The following FAM184A variants were observed in gnomAD, a reference collection of about 807,000 sequenced individuals.
FAM184A encodes family with sequence similarity 184 member A, also known as protein FAM184A.
FAM184A carries 99 observed loss-of-function variants against 143.8 expected under a neutral mutation model. That is an observed-to-expected ratio of 0.69 (90% CI 0.58 to 0.81). FAM184A has a LOEUF of 0.81. FAM184A is among the 40% of genes least tolerant of loss of function. The probability of loss-of-function intolerance (pLI) is 0.00; values close to 1 mark genes in which losing one functional copy is unlikely to be tolerated. For synonymous variants in FAM184A, 427 were observed against 446.4 expected (o/e 0.96, Z 0.55); for missense variants, 1,217 against 1,310.5 (o/e 0.93, Z 1.10).
chr6:119,059,729 G>T (rs1055327038), intron 1 of FAM184A, among the ~76,000 whole-genome samples: 2 of 152,092 alleles, frequency 1.3e-5, no homozygotes, highest in Non-Finnish European at 2.9e-5. Flanking sequence ...ATTCTGTCAG[G>T]TATAATAATT....
intron 9 of FAM184A, among the ~76,000 whole-genome samples, chr6:118,982,042 C>A (rs1784039291): frequency 6.6e-6 from 1 of 152,142 alleles, no homozygotes; most frequent in African/African-American, 2.4e-5. Flanking sequence ...TGAAATAAAT[C>A]CTGCAAATGT....
intron 1 of FAM184A, among the ~76,000 whole-genome samples, chr6:119,134,891 C>T (rs1789624026): frequency 6.6e-6 from 1 of 152,072 alleles, no homozygotes; most frequent in Non-Finnish European, 1.5e-5. Flanking sequence ...AAACACTATC[C>T]CCTGCTTGTG....
chr6:119,048,027 C>T (rs955339789), intron 1 of FAM184A, among the ~76,000 whole-genome samples: 8 of 152,158 alleles, frequency 5.3e-5, no homozygotes, highest in African/African-American at 1.9e-4. Flanking sequence ...AAAAGCTAAT[C>T]CATCATGATC....
chr6:119,077,799 C>G (rs376048850), intron 1 of FAM184A, among the ~76,000 whole-genome samples: 1 of 152,216 alleles, frequency 6.6e-6, no homozygotes, highest in African/African-American at 2.4e-5. Flanking sequence ...AGTGTGATGC[C>G]TCGTGGAGCC....
intron 1 of FAM184A, among the ~76,000 whole-genome samples, chr6:119,087,564 C>T (rs898213543): frequency 6.6e-6 from 1 of 152,032 alleles, no homozygotes; most frequent in African/African-American, 2.4e-5. Context: ...AGAATGGCTG[C>T]TATCAAAAAA....
chr6:119,037,149 C>A (rs1480986495), intron 1 of FAM184A, among the ~76,000 whole-genome samples: 1 of 152,156 alleles, frequency 6.6e-6, no homozygotes, highest in Non-Finnish European at 1.5e-5. Context: ...GATTTAGAAT[C>A]TCTGTATATT....
intron 1 of FAM184A, among the ~76,000 whole-genome samples, chr6:119,069,706 T>C (rs996906713): frequency 6.6e-6 from 1 of 152,180 alleles, no homozygotes; most frequent in Non-Finnish European, 1.5e-5. Context: ...AACAATGATC[T>C]GGAGTTGATG....
intron 1 of FAM184A, among the ~76,000 whole-genome samples, chr6:119,031,807 T>TA (rs1353948351): frequency 2.0e-5 from 3 of 152,218 alleles, no homozygotes; most frequent in African/African-American, 7.2e-5. Context: ...TAAATGATGG[T>TA]ATATTCATAC....
chr6:119,015,612 T>A (rs1785220445), intron 5 of FAM184A, among the ~76,000 whole-genome samples: 1 of 152,184 alleles, frequency 6.6e-6, no homozygotes. Context: ...TTCCCCCGCC[T>A]CCGTGGGTTC....
At chr6:118,979,339 A>T in intron 11 of FAM184A, 26 bp downstream of exon 11, 1 of 1,574,076 alleles carries the variant, frequency 6.4e-7, no homozygotes, top group Non-Finnish European at 8.6e-7. Context: ...TATGAATATG[A>T]CAAGATTGTA....
intron 14 of FAM184A, among the ~76,000 whole-genome samples, chr6:118,973,897 C>T (rs1157338474): frequency 1.3e-5 from 2 of 151,954 alleles, no homozygotes; most frequent in Non-Finnish European, 2.9e-5. Context: ...CAATTAGATG[C>T]TTCTTGTAGG....
At chr6:118,969,993 A>ATATAAAATATATATATATATAT (rs1189865476) in intron 14 of FAM184A, among the ~76,000 whole-genome samples, 20 of 24,374 alleles carry the variant, frequency 8.2e-4, no homozygotes, top group South Asian at 2.7e-3. Context: ...ATATATATAT[A>ATATAAAATATATATATATATAT]ATATATATAT....
intron 1 of FAM184A, among the ~76,000 whole-genome samples, chr6:119,060,038 A>C (rs1582568612): frequency 6.6e-6 from 1 of 152,212 alleles, no homozygotes; most frequent in Non-Finnish European, 1.5e-5. Context: ...CTTTGTAACT[A>C]CCTGGCAGAA....
In FAM184A at chr6:119,103,928, GA is replaced by G. The variant is rs199961401; in HGVS notation, c.-202+45149del. On this transcript the variant is annotated intron_variant, in intron 1 of 16. Transcript: ENST00000352896. ...GTGTCAGAGTGAGACTCCGTGTAGA[GA>G]AAAAAAAAAAAAAAAAAAAAGAGGA... 6.2e-3 allele frequency among the ~76,000 whole-genome samples: 453 copies of G among 72,944 alleles called. 1 individual carries two copies. Among genetic ancestry groups the G allele is most frequent in the Non-Finnish European group, 8.7e-3 (260 of 29,798 alleles). The allele number at this position is 72,944 out of a possible 152,430, so 47.9% of individuals were successfully genotyped here.
intron 8 of FAM184A, among the ~76,000 whole-genome samples, 154 bp downstream of exon 8, chr6:119,003,347 C>T (rs1405412910): frequency 6.6e-6 from 1 of 152,078 alleles, no homozygotes; most frequent in East Asian, 1.9e-4. Flanking sequence ...TGAATTCAAA[C>T]GGAAAATAAA....
At chr6:119,148,366 G>A (rs185173626) in intron 1 of FAM184A, among the ~76,000 whole-genome samples, 6 of 152,124 alleles carry the variant, frequency 3.9e-5, no homozygotes, top group Non-Finnish European at 8.8e-5. Context: ...CCTACCCCAC[G>A]AGAGTTGGAG....
intron 1 of FAM184A, among the ~76,000 whole-genome samples, chr6:119,028,091 T>C (rs951474959): frequency 6.6e-5 from 10 of 152,200 alleles, no homozygotes; most frequent in African/African-American, 2.4e-4. Context: ...AATTTACCCC[T>C]GCCTTTAAAA....
chr6:119,051,411 A>G (rs985381734), intron 1 of FAM184A, among the ~76,000 whole-genome samples: 1 of 152,196 alleles, frequency 6.6e-6, no homozygotes, highest in African/African-American at 2.4e-5. Flanking sequence ...GTTAGGAAGA[A>G]GGAGGGATGG....
intron 15 of FAM184A, 134 bp downstream of exon 15, chr6:118,966,701 G>C (rs183944365): frequency 5.2e-4 from 225 of 429,428 alleles, no homozygotes; most frequent in Non-Finnish European, 8.0e-4. Flanking sequence ...ACATTTCAAT[G>C]AACTTTCAAT....
Sources: gnomAD v4.1 joint callset for allele counts (sites outside exome capture counted in the v4.1 genomes callset) on GRCh38, gnomAD v4.1.1 for gene constraint, MANE v1.5 for transcripts, NCBI Gene and HGNC (gene_info 2026-07-23, HGNC 2026-07-21) for gene names.